The following SMARCD3 variants were observed in gnomAD, a reference collection of about 807,000 sequenced individuals.
SMARCD3 encodes SWI/SNF related BAF chromatin remodeling complex subunit D3.
Under a neutral mutation model 58.0 loss-of-function variants are expected in SMARCD3, and 14 were observed. The observed-to-expected ratio is 0.24, with a 90% CI of 0.16 to 0.38. The LOEUF (loss-of-function observed/expected upper bound fraction) is 0.38, where lower values mean the gene tolerates loss of function less well. Ranked by LOEUF, SMARCD3 falls within the 10% of genes least tolerant of loss-of-function variation. The pLI, the probability that SMARCD3 is intolerant of heterozygous loss-of-function variation, is 1.00. For synonymous variants in SMARCD3, 253 were observed against 253.8 expected (o/e 1.00, Z 0.03); for missense variants, 408 against 636.9 (o/e 0.64, Z 3.87).
chr7:151,259,546 C>T (rs538929862), intron 2 of SMARCD3, among the ~76,000 whole-genome samples: 2 of 148,838 alleles, frequency 1.3e-5, no homozygotes, highest in African/African-American at 2.5e-5. Flanking sequence ...ACTCCAAGCC[C>T]GTTCAGGATC....
chr7:151,266,972 C>A (rs1284150647), intron 2 of SMARCD3, among the ~76,000 whole-genome samples: 1 of 152,170 alleles, frequency 6.6e-6, no homozygotes, highest in African/African-American at 2.4e-5. Context: ...AGTGGCCTCC[C>A]AAAGCGCTGG....
In SMARCD3 at chr7:151,242,556, C is replaced by T. The variant is rs200087546; in HGVS notation, c.504G>A (p.Ala168=). The T allele has an allele frequency of 1.9e-5, 31 of 1,614,132 alleles. 1 individual carries two copies. Among genetic ancestry groups the T allele is most frequent in the South Asian group, 1.5e-4 (14 of 91,084 alleles). The change falls in exon 5 of 13, where the codon GCG becomes GCA. Residue 168 remains alanine, a synonymous_variant. Transcript: ENST00000262188. The surrounding 1 kb of genome is among the most constrained non-coding windows in gnomAD (Gnocchi z 4.7). ...RLYISNTFNP[A]KPDAEDSDGS... ...CGTCGGAATCCTCAGCATCAGGCTT[C>T]GCAGGGTTAAAAGTGTTGGAGATAT...
At chr7:151,265,147 C>T (rs1217835963) in intron 2 of SMARCD3, among the ~76,000 whole-genome samples, 1 of 152,180 alleles carries the variant, frequency 6.6e-6, no homozygotes, top group African/African-American at 2.4e-5. Context: ...GTCCTAACCC[C>T]TAATATATCA....
At chr7:151,256,675 C>T (rs938868833) in intron 2 of SMARCD3, among the ~76,000 whole-genome samples, 1 of 152,180 alleles carries the variant, frequency 6.6e-6, no homozygotes, top group African/African-American at 2.4e-5. Flanking sequence ...CCCGCTCCCA[C>T]ACCCCGACAG....
At chr7:151,266,825 C>A (rs1804095686) in intron 2 of SMARCD3, among the ~76,000 whole-genome samples, 1 of 152,188 alleles carries the variant, frequency 6.6e-6, no homozygotes. Context: ...CATCTTCCTG[C>A]CTCAGCCTCC....
In SMARCD3 at chr7:151,239,396, C is replaced by T. The variant is rs1402313610; in HGVS notation, c.1398G>A (p.Lys466=). 1 of 1,610,992 alleles carries T rather than the reference C, an allele frequency of 6.2e-7. No individual in the cohort carries two copies. Among genetic ancestry groups the T allele is most frequent in the East Asian group, 2.2e-5 (1 of 44,854 alleles). The change falls in exon 12 of 13, where the codon AAG becomes AAA. Residue 466 remains lysine, a splice_region_variant and synonymous_variant. Coordinates refer to ENST00000262188, the MANE Select transcript of SMARCD3 (RefSeq NM_001003801.2). The surrounding 1 kb of genome is among the most constrained non-coding windows in gnomAD (Gnocchi z 7.0). ...QEAVSRYFYC[K]IQQRRQELEQ... ...CCTCAGGGCAAGGGTCCCTGCATACCTTGCAGTAGAAGTAGCGACTGACGG... is the reference window on the plus strand; with the variant it reads ...CCTCAGGGCAAGGGTCCCTGCATACTTTGCAGTAGAAGTAGCGACTGACGG...
At chr7:151,263,740 T>C (rs1219400697) in intron 2 of SMARCD3, among the ~76,000 whole-genome samples, 1 of 152,244 alleles carries the variant, frequency 6.6e-6, no homozygotes, top group Non-Finnish European at 1.5e-5. Flanking sequence ...ACCATCTTTC[T>C]TCTGCACTGA....
chr7:151,259,608 T>TGTTTG, intron 2 of SMARCD3, among the ~76,000 whole-genome samples: 1 of 109,798 alleles, frequency 9.1e-6, no homozygotes, highest in African/African-American at 4.3e-5. Flanking sequence ...AGAGTTTTTT[T>TGTTTG]TTTTTTTTTT....
intron 2 of SMARCD3, among the ~76,000 whole-genome samples, chr7:151,257,201 A>G (rs1183834675): frequency 6.6e-6 from 1 of 151,900 alleles, no homozygotes; most frequent in Non-Finnish European, 1.5e-5. Context: ...TCCTGAAACA[A>G]TCTCTCTTAA....
Position 151,248,636 on chromosome 7 carries a change from C to T in SMARCD3, c.-74G>A. 1.3e-6 allele frequency: 2 copies of T among 1,589,364 alleles called. No homozygotes were observed. The highest frequency in any genetic ancestry group is 1.7e-6 in the Non-Finnish European group (2 of 1,162,878). Reference sequence around the variant, plus strand: ...CTTTCCCTTTTCTGCCTTTTTTTTTCCTCCAACTCTCCCCTCTGAGTCCTG... The same window carrying T: ...CTTTCCCTTTTCTGCCTTTTTTTTTTCTCCAACTCTCCCCTCTGAGTCCTG... On this transcript the variant is annotated 5_prime_UTR_variant, in exon 1 of 13. Transcript: ENST00000262188. The surrounding 1 kb of genome is among the most constrained non-coding windows in gnomAD (Gnocchi z 6.1).
At chr7:151,272,658 A>G (rs1795214590) in intron 2 of SMARCD3, among the ~76,000 whole-genome samples, 1 of 152,176 alleles carries the variant, frequency 6.6e-6, no homozygotes, top group Admixed American at 6.5e-5. Flanking sequence ...CAGCTTGGAA[A>G]GTCAAGAAAC....
intron 2 of SMARCD3, among the ~76,000 whole-genome samples, chr7:151,268,556 T>C (rs947371846): frequency 1.3e-5 from 2 of 152,104 alleles, no homozygotes; most frequent in Admixed American, 1.3e-4. Flanking sequence ...GGTGGCTGTC[T>C]TGTCTCTGTG....
At chr7:151,268,727 T>C (rs896315087) in intron 2 of SMARCD3, among the ~76,000 whole-genome samples, 4 of 152,152 alleles carry the variant, frequency 2.6e-5, no homozygotes, top group African/African-American at 9.7e-5. Flanking sequence ...ACTTACCTTA[T>C]AGTGTTGTGG....
chr7:151,268,005 G>C (rs1235140767), intron 2 of SMARCD3, among the ~76,000 whole-genome samples: 1 of 152,140 alleles, frequency 6.6e-6, no homozygotes, highest in Non-Finnish European at 1.5e-5. Context: ...TAAAGTGACA[G>C]CAATTCTTAA....
At chr7:151,256,947 C>T (rs576735010) in intron 2 of SMARCD3, among the ~76,000 whole-genome samples, 39 of 152,340 alleles carry the variant, frequency 2.6e-4, no homozygotes, top group Non-Finnish European at 4.4e-4. Flanking sequence ...CAGCAATTCT[C>T]TCCCACACCA....
Position 151,243,545 on chromosome 7 carries a change from TAAACAAAAAG to T in SMARCD3, c.333+104_333+113del. Reference sequence around the variant, plus strand: ...AGCCTCACTTATTAATGAGCTTTTTTAAACAAAAAGTGAAAGTGACTGTGATGCTGAAGCT... The same window carrying T: ...AGCCTCACTTATTAATGAGCTTTTTTTGAAAGTGACTGTGATGCTGAAGCT... On this transcript the variant is annotated intron_variant, in intron 3 of 12. Coordinates refer to ENST00000262188, the MANE Select transcript of SMARCD3 (RefSeq NM_001003801.2). The surrounding 1 kb of genome is among the most constrained non-coding windows in gnomAD (Gnocchi z 4.4). 1.4e-6 allele frequency: 1 copy of T among 700,556 alleles called. No homozygotes were observed. The highest frequency in any genetic ancestry group is 2.1e-5 in the Admixed American group (1 of 47,164). 43.4% of individuals were successfully genotyped at this position (700,556 alleles called of 1,614,324 possible).
upstream of SMARCD3, among the ~76,000 whole-genome samples, chr7:151,253,346 C>T (rs182838295): frequency 5.9e-5 from 9 of 152,256 alleles, no homozygotes; most frequent in African/African-American, 1.9e-4. Context: ...GTGGCTCTGC[C>T]CCTGTCACGC....
chr7:151,269,987 C>T (rs1194330332), intron 2 of SMARCD3, among the ~76,000 whole-genome samples: 1 of 152,166 alleles, frequency 6.6e-6, no homozygotes, highest in Admixed American at 6.5e-5. Flanking sequence ...ATCTTCAGCG[C>T]TCCCCAGGGG....
chr7:151,240,643 C>G, intron 8 of SMARCD3, 121 bp from the exon 9 acceptor site: 3 of 689,622 alleles, frequency 4.4e-6, no homozygotes, highest in Admixed American at 2.5e-5. Flanking sequence ...TTCCTCAGTG[C>G]GCATGGGGAT....
Sources: gnomAD v4.1 joint callset for allele counts (sites outside exome capture counted in the v4.1 genomes callset) on GRCh38, gnomAD v4.1.1 for gene constraint, Gnocchi (gnomAD v3.1) non-coding constraint, MANE v1.5 for transcripts, NCBI Gene and HGNC (gene_info 2026-07-23, HGNC 2026-07-21) for gene names.